Variants in MYOF observed in about 807,000 individuals in gnomAD.
MYOF encodes the protein fer-1-like 3, myoferlin.
MYOF carries 244 observed loss-of-function variants against 284.2 expected under a neutral mutation model. The observed-to-expected ratio is 0.86, with a 90% CI of 0.77 to 0.95. The LOEUF is 0.95. MYOF is among the 40% of genes least tolerant of loss of function. MYOF has a pLI of 0.00. For missense variants in MYOF, 2,496 were observed against 2,560.6 expected (o/e 0.97, Z 0.54); for synonymous variants, 904 against 919.7 (o/e 0.98, Z 0.31).
intron 3 of MYOF, among the ~76,000 whole-genome samples, chr10:93,436,849 C>T (rs181960720): frequency 8.3e-4 from 126 of 152,230 alleles, no homozygotes; most frequent in African/African-American, 2.7e-3. Context: ...ATTACTAATG[C>T]TATAAAAATG....
intron 15 of MYOF, 112 bp downstream of exon 15, chr10:93,397,135 C>A: frequency 1.2e-6 from 1 of 860,388 alleles, no homozygotes; most frequent in Non-Finnish European, 1.7e-6. Context: ...GCAATTTATC[C>A]TCTCCTCTGG....
intron 30 of MYOF, 141 bp downstream of exon 30, chr10:93,356,534 G>A: frequency 2.3e-6 from 2 of 858,000 alleles, no homozygotes; most frequent in South Asian, 1.7e-5. Context: ...AGGATGTGTG[G>A]CTTTCCCTCA....
chr10:93,423,506 A>G (rs1848441298), intron 5 of MYOF, among the ~76,000 whole-genome samples: 1 of 138,774 alleles, frequency 7.2e-6, no homozygotes, highest in South Asian at 2.5e-4. Flanking sequence ...AGCCTAGATG[A>G]CAGAGCAAGA....
At chr10:93,462,625 C>T (rs1187718646) in intron 1 of MYOF, among the ~76,000 whole-genome samples, 1 of 152,026 alleles carries the variant, frequency 6.6e-6, no homozygotes, top group Admixed American at 6.6e-5. Context: ...TGGCTCCTAC[C>T]CTTCTGGAGA....
At chr10:93,310,287 T>G in intron 52 of MYOF, 120 bp from the exon 53 acceptor site, 1 of 1,266,762 alleles carries the variant, frequency 7.9e-7, no homozygotes, top group Non-Finnish European at 1.1e-6. Context: ...AAAAATACTG[T>G]TCCCCTTCGT....
At chr10:93,385,322 C>T (rs1189541727) in intron 19 of MYOF, among the ~76,000 whole-genome samples, 2 of 152,126 alleles carry the variant, frequency 1.3e-5, no homozygotes, top group Non-Finnish European at 2.9e-5. Flanking sequence ...CTGCTGCATC[C>T]CTCCTGCACT....
Position 93,323,359 on chromosome 10 carries a change from C to T in MYOF, c.5272-1G>A. 6.2e-7 allele frequency: 1 copy of T among 1,600,538 alleles called. No individual in the cohort carries two copies. Among genetic ancestry groups the T allele is most frequent in the Non-Finnish European group, 8.5e-7 (1 of 1,170,510 alleles). On this transcript the variant is annotated splice_acceptor_variant, in intron 46 of 53. Coordinates refer to ENST00000359263, the MANE Select transcript of MYOF (RefSeq NM_013451.4). LOFTEE classifies it high-confidence loss of function. ...CATCCACCCACATCTGAAGTTTTCC[C>T]TAAACCATTTGAAAATGAAAAGAGG...
chr10:93,421,941 T>G (rs1848373686), intron 5 of MYOF, among the ~76,000 whole-genome samples: 1 of 152,130 alleles, frequency 6.6e-6, no homozygotes, highest in Non-Finnish European at 1.5e-5. Flanking sequence ...GTTTGTTTTT[T>G]TTTTTTAAAT....
intron 1 of MYOF, among the ~76,000 whole-genome samples, chr10:93,470,504 C>G (rs56064419): frequency 6.6e-6 from 1 of 151,868 alleles, no homozygotes; most frequent in East Asian, 1.9e-4. Flanking sequence ...AGGTTCGAGC[C>G]ATTCTCCTGC....
At chr10:93,449,552 A>T (rs12268335) in intron 3 of MYOF, among the ~76,000 whole-genome samples, 11,842 of 152,214 alleles carry the variant, frequency 0.078, 1,305 homozygotes, top group African/African-American at 0.24. Flanking sequence ...GGGAATAAAT[A>T]ATCATATAAT....
At chr10:93,323,413 TCA>T in intron 46 of MYOF, 55 bp from the exon 47 acceptor site, 1 of 1,430,910 alleles carries the variant, frequency 7.0e-7, no homozygotes. Flanking sequence ...GTAGCAGAAG[TCA>T]CAATTTTCTT....
At chr10:93,480,109 A>T (rs1400127696) in intron 1 of MYOF, among the ~76,000 whole-genome samples, 1 of 152,210 alleles carries the variant, frequency 6.6e-6, no homozygotes, top group Non-Finnish European at 1.5e-5. Flanking sequence ...ATGATGAAGG[A>T]TGTAAAATCT....
chr10:93,416,465 G>A (rs1194291383), intron 5 of MYOF, among the ~76,000 whole-genome samples: 1 of 152,116 alleles, frequency 6.6e-6, no homozygotes, highest in East Asian at 1.9e-4. Flanking sequence ...AGAGGTTGCA[G>A]TGAGCCGAGA....
chr10:93,316,427 G>A (rs1396212699), intron 50 of MYOF, among the ~76,000 whole-genome samples: 1 of 152,056 alleles, frequency 6.6e-6, no homozygotes, highest in African/African-American at 2.4e-5. Flanking sequence ...TGGTTTGAAA[G>A]TGGATGTAGG....
At chr10:93,325,327 A>C (rs1262710124) in intron 46 of MYOF, among the ~76,000 whole-genome samples, 1 of 152,146 alleles carries the variant, frequency 6.6e-6, no homozygotes, top group African/African-American at 2.4e-5. Flanking sequence ...CGCCTCCCTG[A>C]TACTGTAGTC....
At chr10:93,353,924 G>A (rs376005227) in intron 31 of MYOF, 36 bp from the exon 32 acceptor site, 40 of 1,499,818 alleles carry the variant, frequency 2.7e-5, no homozygotes, top group Middle Eastern at 1.7e-4. Flanking sequence ...TACAAGAAGC[G>A]TAACACTGTA....
chr10:93,392,571 T>C (rs1248729095), intron 17 of MYOF, among the ~76,000 whole-genome samples: 1 of 152,314 alleles, frequency 6.6e-6, no homozygotes, highest in Middle Eastern at 3.4e-3. Flanking sequence ...AGTTACTTGA[T>C]ACATTTCAGA....
At chr10:93,391,764 G>A (rs952246523) in intron 17 of MYOF, among the ~76,000 whole-genome samples, 7 of 152,088 alleles carry the variant, frequency 4.6e-5, no homozygotes, top group African/African-American at 1.4e-4. Context: ...CTTTACCCTG[G>A]CCATCAAGGA....
chr10:93,366,523 C>G lies in MYOF; in HGVS notation c.2622G>C (p.Trp874Cys). The change falls in exon 26 of 54, where the codon TGG becomes TGC. Residue 874 changes from tryptophan to cysteine, a missense_variant. Physicochemically the swap from Trp to Cys is radical, Grantham distance 215 (BLOSUM62 -2). Around this residue, in one of 3 missense-constraint regions of MYOF, gnomAD observed 2,436 missense variants for 2,480.7 expected, o/e 0.98. Transcript: ENST00000359263. ...GACGTCCTACTAATCCAGAAGTACC[C>G]CATTTTCCAAACATGAGAGCTTGAT... ...YENQALMFGK[W>C]GTSGLVGRHK... 1 of 1,611,548 alleles carries G rather than the reference C, an allele frequency of 6.2e-7. No individual in the cohort carries two copies. The highest frequency in any genetic ancestry group is 8.5e-7 in the Non-Finnish European group (1 of 1,179,304).
Sources: allele counts gnomAD v4.1 joint callset (sites outside exome capture counted in the v4.1 genomes callset), GRCh38; gene constraint gnomAD v4.1.1; regional missense constraint gnomAD v4.1.1; transcripts MANE v1.5; gene names NCBI Gene and HGNC (gene_info 2026-07-23, HGNC 2026-07-21).